The following MCCC1 variants were observed in gnomAD, a reference collection of about 807,000 sequenced individuals.
The protein encoded by MCCC1 is methylcrotonoyl-CoA carboxylase subunit alpha, mitochondrial.
Under a neutral mutation model 83.8 loss-of-function variants are expected in MCCC1, and 64 were observed. The ratio of observed to expected loss-of-function variants is 0.76; its 90% CI spans 0.62 to 0.94. The LOEUF (loss-of-function observed/expected upper bound fraction) is 0.94, where lower values mean the gene tolerates loss of function less well. MCCC1 is among the 40% of genes least tolerant of loss of function. MCCC1 has a pLI of 0.00. For missense variants in MCCC1, 807 were observed against 904.7 expected, an observed-to-expected ratio of 0.89 and a Z score of 1.39; for synonymous variants, 322 against 315.4, an observed-to-expected ratio of 1.02 and a Z score of -0.22.
chr3:183,101,258 A>C (rs1312646035), upstream of MCCC1, among the ~76,000 whole-genome samples: 3 of 152,334 alleles, frequency 2.0e-5, no homozygotes, highest in East Asian at 5.8e-4. Flanking sequence ...AGTCCCATCG[A>C]CCACCCAAGA....
rs114868583 is a variant in MCCC1, at chr3:183,045,181, G to A, written c.1083+232C>T. On this transcript the variant is annotated intron_variant, in intron 10 of 18. Transcript: ENST00000265594. Reference sequence around the variant, plus strand: ...CTGCAACCTCTGCCTCCCAGGCTCAGTGATTCTCCTGCCTCAGCCTCCTGA... The same window carrying A: ...CTGCAACCTCTGCCTCCCAGGCTCAATGATTCTCCTGCCTCAGCCTCCTGA... 7.8e-3 allele frequency among the ~76,000 whole-genome samples: 1,178 copies of A among 151,034 alleles called. 19 individuals carry two copies. The highest frequency in any genetic ancestry group is 0.028 in the African/African-American group (1,145 of 41,114).
intron 14 of MCCC1, among the ~76,000 whole-genome samples, chr3:183,026,701 C>T (rs1469077875): frequency 1.3e-5 from 2 of 151,928 alleles, no homozygotes; most frequent in Non-Finnish European, 2.9e-5. Context: ...CAGAGTGAGG[C>T]TCCATCTCAA....
chr3:183,089,634 C>T (rs1020540462), intron 3 of MCCC1, among the ~76,000 whole-genome samples: 5 of 151,096 alleles, frequency 3.3e-5, no homozygotes, highest in Non-Finnish European at 5.9e-5. Context: ...GTGACTGTGG[C>T]TTTGAGTTAA....
intron 1 of MCCC1, among the ~76,000 whole-genome samples, chr3:183,108,771 C>T (rs996046901): frequency 6.6e-6 from 1 of 152,206 alleles, no homozygotes; most frequent in Non-Finnish European, 1.5e-5. Context: ...GGCAGTTATA[C>T]TGATCCATCA....
intron 1 of MCCC1, among the ~76,000 whole-genome samples, chr3:183,096,205 G>A (rs1179629622): frequency 6.6e-6 from 1 of 151,940 alleles, no homozygotes; most frequent in Non-Finnish European, 1.5e-5. Flanking sequence ...GTGTGGTGGT[G>A]CGCACCTGTA....
At chr3:183,067,559 T>C (rs1716347087) in intron 7 of MCCC1, among the ~76,000 whole-genome samples, 1 of 152,226 alleles carries the variant, frequency 6.6e-6, no homozygotes, top group African/African-American at 2.4e-5. Flanking sequence ...TGTTATTAAA[T>C]TTTGGTCTCA....
intron 4 of MCCC1, among the ~76,000 whole-genome samples, chr3:183,086,402 A>G (rs1207056536): frequency 6.6e-6 from 1 of 152,118 alleles, no homozygotes; most frequent in Non-Finnish European, 1.5e-5. Flanking sequence ...CTCCCAAAGG[A>G]TTTGAGCTTG....
Position 183,113,614 on chromosome 3 carries a change from G to A in MCCC1, c.-102+1860C>T, listed in dbSNP as rs1037478880. ...AAAAAAAAGGAAGCTGAGGTGGGAGGTTCCCTTAAGTCCAGGAGGTCAAGG... is the reference window on the plus strand; with the variant it reads ...AAAAAAAAGGAAGCTGAGGTGGGAGATTCCCTTAAGTCCAGGAGGTCAAGG... On this transcript the variant is annotated intron_variant, in intron 1 of 17. Transcript: ENST00000492597. Among the ~76,000 whole-genome samples the A allele has an allele frequency of 9.9e-5, 15 of 151,300 alleles. No individual in the cohort carries two copies. The East Asian group carries it at 2.9e-3, about 29-fold the overall frequency.
chr3:183,037,699 T>C (rs1170995728), intron 12 of MCCC1, among the ~76,000 whole-genome samples: 1 of 152,202 alleles, frequency 6.6e-6, no homozygotes, highest in East Asian at 1.9e-4. Context: ...ACAAAGAGGA[T>C]GCTGGAAATA....
intron 7 of MCCC1, among the ~76,000 whole-genome samples, chr3:183,069,177 A>C (rs971967539): frequency 1.3e-5 from 2 of 152,226 alleles, no homozygotes; most frequent in African/African-American, 2.4e-5. Context: ...CAATATATAC[A>C]AAAAATAAAA....
At chr3:183,068,708 T>C in intron 7 of MCCC1, among the ~76,000 whole-genome samples, 1 of 152,248 alleles carries the variant, frequency 6.6e-6, no homozygotes, top group East Asian at 1.9e-4. Flanking sequence ...TTTCATAAGA[T>C]TATGATAGAG....
At chr3:183,101,423 G>C (rs903332447), upstream of MCCC1, among the ~76,000 whole-genome samples, 3 of 149,752 alleles carry the variant, frequency 2.0e-5, no homozygotes, top group African/African-American at 7.3e-5. Context: ...AAATACACCA[G>C]TCAGCACCCT....
upstream of MCCC1, among the ~76,000 whole-genome samples, chr3:183,101,880 G>A (rs554343600): frequency 7.9e-5 from 12 of 151,664 alleles, no homozygotes; most frequent in East Asian, 5.8e-4. Context: ...GAACAACTCC[G>A]GACACGCTGC....
At chr3:183,071,718 T>A (rs199674588) in intron 5 of MCCC1, among the ~76,000 whole-genome samples, 240 of 149,870 alleles carry the variant, frequency 1.6e-3, no homozygotes, top group Non-Finnish European at 2.7e-3. Flanking sequence ...TTTTTTTTTT[T>A]AGAGACAGGG....
At chr3:183,091,366 G>A (rs144267776) in intron 3 of MCCC1, among the ~76,000 whole-genome samples, 222 of 152,174 alleles carry the variant, frequency 1.5e-3, no homozygotes, top group African/African-American at 4.9e-3. Context: ...CCAGGAGTTC[G>A]AGACCATTTT....
rs1372182813 is a variant in MCCC1 at position 183,088,204 on chromosome 3, TTG to T, written c.274-1418_274-1417del. On this transcript the variant is annotated intron_variant, in intron 3 of 18. Transcript: ENST00000265594. ...AAATGTTTTGTTGTTGTTGTTGTTG[TTG>T]TGTGTTTTTTTTTTTTTTTGAGGTA... 2.3e-4 allele frequency among the ~76,000 whole-genome samples: 34 copies of T among 149,128 alleles called. 2 individuals are homozygous for T. The highest frequency in any genetic ancestry group is 5.3e-4 in the Admixed American group (8 of 15,034).
At chr3:183,106,095 A>AAAAAAAAAAG (rs1297763694) in intron 1 of MCCC1, among the ~76,000 whole-genome samples, 3 of 151,314 alleles carry the variant, frequency 2.0e-5, no homozygotes, top group African/African-American at 7.3e-5. Flanking sequence ...AAAAAAAAAA[A>AAAAAAAAAAG]AGACTACCAA....
chr3:183,054,803 T>C (rs1174032706), intron 8 of MCCC1, among the ~76,000 whole-genome samples: 4 of 152,178 alleles, frequency 2.6e-5, no homozygotes, highest in African/African-American at 9.7e-5. Flanking sequence ...TAATCTTTTA[T>C]ACTGTATTTT....
intron 7 of MCCC1, among the ~76,000 whole-genome samples, chr3:183,058,479 A>G (rs1715590975): frequency 6.6e-6 from 1 of 152,082 alleles, no homozygotes; most frequent in Admixed American, 6.6e-5. Context: ...TAAATTAGCC[A>G]GGCATGGTGG....
Sources: allele counts gnomAD v4.1 joint callset (sites outside exome capture counted in the v4.1 genomes callset), GRCh38; gene constraint gnomAD v4.1.1; transcripts MANE v1.5; gene names NCBI Gene and HGNC (gene_info 2026-07-23, HGNC 2026-07-21).